Variants in DNAH7 observed in about 807,000 individuals in gnomAD.
DNAH7 encodes the protein axonemal beta dynein heavy chain 7.
Under a neutral mutation model 444.6 loss-of-function variants are expected in DNAH7, and 397 were observed. The observed-to-expected ratio is 0.89, with a 90% CI of 0.82 to 0.97. The LOEUF is 0.97. Among genes scored for constraint, DNAH7 ranks in the 50% least tolerant of loss-of-function variants. The pLI is 0.00. For synonymous variants in DNAH7, 1,636 were observed against 1,624.4 expected, an observed-to-expected ratio of 1.01 and a Z score of -0.17; for missense variants, 4,902 against 4,800.8, an observed-to-expected ratio of 1.02 and a Z score of -0.62.
At chr2:195,927,978 CA>C (rs1432216059) in intron 21 of DNAH7, among the ~76,000 whole-genome samples, 4 of 152,100 alleles carry the variant, frequency 2.6e-5, no homozygotes, top group Non-Finnish European at 4.4e-5. Flanking sequence ...ATTTTAGATA[CA>C]GGGGGTATAT....
chr2:196,006,563 GAA>G (rs3052599), intron 10 of DNAH7, among the ~76,000 whole-genome samples: 4,224 of 134,616 alleles, frequency 0.031, 176 homozygotes, highest in African/African-American at 0.1. Context: ...CTAAGGAAAG[GAA>G]AAAAAAAAAA....
intron 5 of DNAH7, among the ~76,000 whole-genome samples, chr2:196,030,282 A>T (rs773952540): frequency 1.3e-5 from 2 of 152,212 alleles, no homozygotes; most frequent in Non-Finnish European, 2.9e-5. Context: ...ACTCACTATC[A>T]TAGGAATAAT....
At chr2:195,943,627 T>C (rs1574841499) in intron 19 of DNAH7, among the ~76,000 whole-genome samples, 1 of 152,104 alleles carries the variant, frequency 6.6e-6, no homozygotes, top group African/African-American at 2.4e-5. Flanking sequence ...TGGTGAGGGG[T>C]AGTCTCCGAT....
chr2:195,798,439 TTTA>T lies in DNAH7; in HGVS notation c.10353+854_10353+856del, dbSNP rs761626525. Among the ~76,000 whole-genome samples, 9 of 152,246 alleles carry T rather than the reference TTTA, an allele frequency of 5.9e-5. No homozygotes were observed. In the East Asian group the frequency reaches 1.4e-3, roughly 23 times the overall value. On this transcript the variant is annotated intron_variant, in intron 55 of 64. Coordinates refer to ENST00000312428, the MANE Select transcript of DNAH7 (RefSeq NM_018897.3). ...AACTCAGGAAATGCCCAATCATCTGTTTATTATTATTTTCTTGTTCTAGACCAT... is the reference window on the plus strand; with the variant it reads ...AACTCAGGAAATGCCCAATCATCTGTTTATTATTTTCTTGTTCTAGACCAT...
intron 47 of DNAH7, among the ~76,000 whole-genome samples, chr2:195,837,679 C>T (rs6434802): frequency 0.66 from 100,815 of 151,816 alleles, 34,178 homozygotes; most frequent in Non-Finnish European, 0.72. Flanking sequence ...CTTTATTCTC[C>T]TTTATCTCTA....
chr2:195,750,795 C>T (rs1351992203), intron 63 of DNAH7, among the ~76,000 whole-genome samples: 1 of 152,186 alleles, frequency 6.6e-6, no homozygotes, highest in Non-Finnish European at 1.5e-5. Context: ...TGGTACAGAG[C>T]AGCCCCACCA....
At chr2:195,740,702 A>T in intron 64 of DNAH7, 64 bp downstream of exon 64, 3 of 511,030 alleles carry the variant, frequency 5.9e-6, no homozygotes, top group Non-Finnish European at 8.5e-6. Flanking sequence ...GGTCTATTTT[A>T]TATATAATAT....
rs771291990 is a variant in DNAH7 at position 195,737,917 on chromosome 2, C to T, written c.*4G>A. Reference sequence around the variant, plus strand: ...AATAGGAACAAGGAAATGATGTCTTCTGGTTATGAATTAAGTTGACATAAC... The same window carrying T: ...AATAGGAACAAGGAAATGATGTCTTTTGGTTATGAATTAAGTTGACATAAC... On this transcript the variant is annotated 3_prime_UTR_variant, in exon 65 of 65. Transcript: ENST00000312428. The T allele has an allele frequency of 6.2e-7, 1 of 1,613,346 alleles. No homozygotes were observed. The highest frequency in any genetic ancestry group is 1.1e-5 in the South Asian group (1 of 91,040).
chr2:195,978,191 T>C (rs10201038), intron 15 of DNAH7, among the ~76,000 whole-genome samples: 8,671 of 152,036 alleles, frequency 0.057, 402 homozygotes, highest in African/African-American at 0.13. Context: ...ACTACAACTT[T>C]TCCAGACAGA....
intron 36 of DNAH7, 148 bp downstream of exon 36, chr2:195,881,643 CAAAA>C (rs549774814): frequency 4.4e-6 from 3 of 683,274 alleles, no homozygotes; most frequent in Non-Finnish European, 6.6e-6. Flanking sequence ...TTGGCTAAAA[CAAAA>C]AAAAATAAGT....
At chr2:195,810,991 T>C (rs1034389348) in intron 51 of DNAH7, among the ~76,000 whole-genome samples, 1 of 152,176 alleles carries the variant, frequency 6.6e-6, no homozygotes, top group African/African-American at 2.4e-5. Flanking sequence ...TCTCTTCTTG[T>C]AGACAGAAAG....
chr2:196,031,364 G>C lies in DNAH7; in HGVS notation c.399-3317C>G, dbSNP rs573782346. Reference sequence around the variant, plus strand: ...TCTCCTGGGCTTCTGGGCCTGTGATGGGAGGGGCTGCCGTGAAGACCTCTG... The same window carrying C: ...TCTCCTGGGCTTCTGGGCCTGTGATCGGAGGGGCTGCCGTGAAGACCTCTG... On this transcript the variant is annotated intron_variant, in intron 5 of 64. Coordinates refer to ENST00000312428, the MANE Select transcript of DNAH7 (RefSeq NM_018897.3). Among the ~76,000 whole-genome samples, 6 of 152,336 alleles carry C rather than the reference G, an allele frequency of 3.9e-5. No homozygotes were observed. In the South Asian group the frequency reaches 1.0e-3, roughly 26 times the overall value.
intron 35 of DNAH7, among the ~76,000 whole-genome samples, chr2:195,883,352 G>A: frequency 6.6e-6 from 1 of 152,164 alleles, no homozygotes; most frequent in South Asian, 2.1e-4. Context: ...AGAGGCTGAG[G>A]CAGGAGAATG....
intron 8 of DNAH7, among the ~76,000 whole-genome samples, chr2:196,021,943 A>G (rs1243131734): frequency 1.3e-5 from 2 of 152,152 alleles, no homozygotes; most frequent in South Asian, 2.1e-4. Context: ...CCTGGCCAAC[A>G]TGGTTAAACC....
At chr2:195,885,094 C>G (rs1701633655) in intron 34 of DNAH7, among the ~76,000 whole-genome samples, 1 of 152,104 alleles carries the variant, frequency 6.6e-6, no homozygotes, top group South Asian at 2.1e-4. Flanking sequence ...CAACACATGA[C>G]AGCAGCTTGA....
chr2:195,902,874 TATA>T (rs1158638171), intron 27 of DNAH7: 1 of 152,176 alleles, frequency 6.6e-6, no homozygotes, highest in Non-Finnish European at 1.5e-5. Context: ...AGCATACAGA[TATA>T]ATGTTATAAT....
intron 5 of DNAH7, among the ~76,000 whole-genome samples, chr2:196,036,434 C>T (rs1324727458): frequency 1.3e-5 from 2 of 152,290 alleles, no homozygotes; most frequent in African/African-American, 4.8e-5. Context: ...ATCACCAGCA[C>T]CCAAGTTCAT....
chr2:196,005,298 ACAAACAAAAAT>A (rs770714480), intron 10 of DNAH7, among the ~76,000 whole-genome samples: 180 of 148,726 alleles, frequency 1.2e-3, no homozygotes, highest in Non-Finnish European at 1.9e-3. Flanking sequence ...AAACAAACAA[ACAAACAAAAAT>A]ATATATATAT....
chr2:195,848,000 A>G, intron 46 of DNAH7, among the ~76,000 whole-genome samples: 1 of 152,204 alleles, frequency 6.6e-6, no homozygotes, highest in East Asian at 1.9e-4. Flanking sequence ...TTTACAGATA[A>G]AAGATTTCAG....
Sources: gnomAD v4.1 joint callset for allele counts (sites outside exome capture counted in the v4.1 genomes callset) on GRCh38, gnomAD v4.1.1 for gene constraint, MANE v1.5 for transcripts, NCBI Gene and HGNC (gene_info 2026-07-23, HGNC 2026-07-21) for gene names.